MERTK: variants seen among roughly 807,000 people sequenced by gnomAD.
MERTK encodes the protein MER proto-oncogene, tyrosine kinase.
In MERTK, 69 loss-of-function variants were observed where a neutral mutation model predicts 99.3. The ratio of observed to expected loss-of-function variants is 0.70; its 90% CI spans 0.57 to 0.85. The LOEUF (loss-of-function observed/expected upper bound fraction) is 0.85, where lower values mean the gene tolerates loss of function less well. Among genes scored for constraint, MERTK ranks in the 40% least tolerant of loss-of-function variants. The probability of loss-of-function intolerance (pLI) is 0.00; values close to 1 mark genes in which losing one functional copy is unlikely to be tolerated. For missense variants in MERTK, 1,125 were observed against 1,249.4 expected, an observed-to-expected ratio of 0.90 and a Z score of 1.50; for synonymous variants, 426 against 467.6, an observed-to-expected ratio of 0.91 and a Z score of 1.15.
intron 8 of MERTK, among the ~76,000 whole-genome samples, chr2:111,987,989 CTT>C (rs3077010): frequency 0.58 from 77,249 of 132,690 alleles, 21,412 homozygotes; most frequent in Middle Eastern, 0.65. Context: ...ATAGAACTAA[CTT>C]TTTTTTTTTT....
intron 7 of MERTK, among the ~76,000 whole-genome samples, chr2:111,982,058 C>A (rs1029188680): frequency 1.3e-5 from 2 of 151,660 alleles, no homozygotes; most frequent in Non-Finnish European, 2.9e-5. Flanking sequence ...CATGAAATTT[C>A]CTTTTTTTTT....
intron 4 of MERTK, among the ~76,000 whole-genome samples, chr2:111,954,189 G>A (rs1685106745): frequency 6.6e-6 from 1 of 152,146 alleles, no homozygotes; most frequent in South Asian, 2.1e-4. Flanking sequence ...ACTTTCCCAC[G>A]GTCTCCGCCT....
At chr2:112,007,528 G>T (rs1424698346) in intron 13 of MERTK, among the ~76,000 whole-genome samples, 1 of 151,988 alleles carries the variant, frequency 6.6e-6, no homozygotes, top group Non-Finnish European at 1.5e-5. Flanking sequence ...TTTCTCCCCA[G>T]CCCTGGCAAG....
intron 8 of MERTK, among the ~76,000 whole-genome samples, chr2:111,983,620 G>T (rs1217700840): frequency 5.3e-5 from 8 of 152,204 alleles, no homozygotes; most frequent in African/African-American, 1.9e-4. Context: ...CAGGTTCCCT[G>T]CTCCACCAAG....
At chr2:112,022,744 T>C (rs1385650851) in intron 18 of MERTK, among the ~76,000 whole-genome samples, 1 of 152,240 alleles carries the variant, frequency 6.6e-6, no homozygotes. Context: ...CATGAGGTCC[T>C]TGAATGATTC....
chr2:111,963,531 C>T (rs1048873472), intron 4 of MERTK, among the ~76,000 whole-genome samples: 1 of 152,180 alleles, frequency 6.6e-6, no homozygotes, highest in African/African-American at 2.4e-5. Flanking sequence ...GTTTGTGTCC[C>T]TGGGTACTTG....
At chr2:111,915,700 A>G (rs1684338683) in intron 1 of MERTK, among the ~76,000 whole-genome samples, 1 of 152,158 alleles carries the variant, frequency 6.6e-6, no homozygotes, top group Non-Finnish European at 1.5e-5. Context: ...GTTCGAGACC[A>G]GTCTGACCAA....
chr2:111,910,202 C>G (rs1173616325), intron 1 of MERTK, among the ~76,000 whole-genome samples: 1 of 151,904 alleles, frequency 6.6e-6, no homozygotes, highest in Non-Finnish European at 1.5e-5. Flanking sequence ...GAGTTTGAGA[C>G]TGTACTGAGC....
intron 10 of MERTK, among the ~76,000 whole-genome samples, chr2:111,999,912 G>A (rs776144265): frequency 6.6e-6 from 1 of 152,168 alleles, no homozygotes; most frequent in Non-Finnish European, 1.5e-5. Context: ...TAAGCAGGGG[G>A]TGGATCTTGC....
chr2:111,917,663 G>T (rs1684377855), intron 1 of MERTK, among the ~76,000 whole-genome samples: 1 of 152,058 alleles, frequency 6.6e-6, no homozygotes, highest in Non-Finnish European at 1.5e-5. Context: ...GAGGTGGGCG[G>T]ATCACAAGGT....
intron 1 of MERTK, among the ~76,000 whole-genome samples, chr2:111,912,363 G>T (rs1046823525): frequency 1.3e-5 from 2 of 152,010 alleles, no homozygotes; most frequent in African/African-American, 4.8e-5. Context: ...TACAAACAAC[G>T]TTGCCATGAA....
In MERTK at chr2:111,975,398, T is replaced by C; in HGVS notation, c.1070T>C (p.Ile357Thr). ...CTGCAAGCCCTGGCTAATTACAGCATTGGTGTTTCCTGCATGAATGAAATA... is the reference window on the plus strand; with the variant it reads ...CTGCAAGCCCTGGCTAATTACAGCACTGGTGTTTCCTGCATGAATGAAATA... Reference protein sequence around the residue: ...KQLQALANYSIGVSCMNEIGW... With the variant: ...KQLQALANYSTGVSCMNEIGW... The change falls in exon 7 of 19, where the codon ATT becomes ACT. Residue 357 changes from isoleucine (I) to threonine (T), a missense_variant. Transcript: ENST00000295408. 1 of 1,614,188 alleles carries C rather than the reference T, an allele frequency of 6.2e-7. No individual in the cohort carries two copies. Among genetic ancestry groups the C allele is most frequent in the South Asian group, 1.1e-5 (1 of 91,086 alleles).
chr2:111,932,132 C>T (rs940842216), intron 2 of MERTK, among the ~76,000 whole-genome samples: 1 of 152,144 alleles, frequency 6.6e-6, no homozygotes, highest in Admixed American at 6.5e-5. Context: ...TCTTATTTGA[C>T]CTCCAAACTA....
chr2:111,992,036 C>T (rs1469108573), intron 8 of MERTK, among the ~76,000 whole-genome samples: 2 of 152,102 alleles, frequency 1.3e-5, no homozygotes, highest in South Asian at 2.1e-4. Context: ...CAAGGCAGGG[C>T]TCTAATTTTC....
At chr2:111,965,575 G>A (rs1685344695) in intron 5 of MERTK, among the ~76,000 whole-genome samples, 1 of 152,218 alleles carries the variant, frequency 6.6e-6, no homozygotes, top group Non-Finnish European at 1.5e-5. Context: ...CTTACTCCAA[G>A]AAGAAAACAA....
intron 13 of MERTK, among the ~76,000 whole-genome samples, chr2:112,007,776 G>A (rs1384594493): frequency 6.6e-6 from 1 of 152,018 alleles, no homozygotes; most frequent in Admixed American, 6.5e-5. Flanking sequence ...AGAGAGGTGT[G>A]GGGTTCTTTC....
chr2:111,983,366 C>T (rs1676410087), intron 8 of MERTK, among the ~76,000 whole-genome samples: 1 of 152,142 alleles, frequency 6.6e-6, no homozygotes, highest in Admixed American at 6.6e-5. Flanking sequence ...CAGGGCTTAG[C>T]AGTCCAGCAA....
intron 1 of MERTK, among the ~76,000 whole-genome samples, chr2:111,899,867 A>T (rs535518929): frequency 6.6e-6 from 1 of 152,112 alleles, no homozygotes; most frequent in East Asian, 1.9e-4. Flanking sequence ...GAGGCAAGGA[A>T]GGCCGGTTTC....
At position 111,984,290 on chromosome 2, in the gene MERTK, CCT is replaced by C. The variant is rs374230084; in HGVS notation, c.1296+1298_1296+1299del. Reference sequence around the variant, plus strand: ...AGAGGGCAGTCTGCATTATGAGTCCCCTGTTTCAAATAATAATCTCACTGGAA... The same window carrying C: ...AGAGGGCAGTCTGCATTATGAGTCCCGTTTCAAATAATAATCTCACTGGAA... On this transcript the variant is annotated intron_variant, in intron 8 of 18. Coordinates refer to ENST00000295408, the MANE Select transcript of MERTK (RefSeq NM_006343.3). Among the ~76,000 whole-genome samples the C allele has an allele frequency of 1.0e-3, 153 of 152,268 alleles. 1 individual carries two copies. The highest frequency in any genetic ancestry group is 3.6e-3 in the African/African-American group (148 of 41,538).
Sources: allele counts gnomAD v4.1 joint callset (sites outside exome capture counted in the v4.1 genomes callset), GRCh38; gene constraint gnomAD v4.1.1; transcripts MANE v1.5; gene names NCBI Gene and HGNC (gene_info 2026-07-23, HGNC 2026-07-21).